Variants in SLC30A7 observed in about 807,000 individuals in gnomAD.
SLC30A7 encodes the protein solute carrier family 30 member 7.
A neutral mutation model predicts 46.0 loss-of-function variants in SLC30A7; 35 were observed. That is an observed-to-expected ratio of 0.76 (90% confidence interval 0.58 to 1.01). The LOEUF (loss-of-function observed/expected upper bound fraction) is 1.01. SLC30A7 is among the 50% of genes least tolerant of loss of function. The probability of loss-of-function intolerance (pLI) is 0.00; values close to 1 mark genes in which losing one functional copy is unlikely to be tolerated. For missense variants in SLC30A7, 464 were observed against 451.1 expected (o/e 1.03, Z -0.26); for synonymous variants, 147 against 157.8 (o/e 0.93, Z 0.51).
At chr1:100,945,425 A>C (rs1033357867) in intron 8 of SLC30A7, among the ~76,000 whole-genome samples, 19 of 152,234 alleles carry the variant, frequency 1.2e-4, no homozygotes, top group African/African-American at 4.6e-4. Flanking sequence ...TTTAGGTCTA[A>C]CATTTAAGTC....
the SLC30A7 span, chr1:100,995,442 C>G: frequency 4.1e-6 from 1 of 243,848 alleles, no homozygotes; most frequent in Non-Finnish European, 8.1e-6. Flanking sequence ...CTACTAACAG[C>G]TAATCACAAT....
chr1:100,911,203 TTTA>T (rs1652071174), intron 4 of SLC30A7, 53 bp downstream of exon 4: 12 of 1,248,314 alleles, frequency 9.6e-6, no homozygotes, highest in Non-Finnish European at 1.2e-5. Context: ...AATGAAAATG[TTTA>T]TTAATTAAAG....
At chr1:100,959,818 C>A (rs1655437561) in intron 8 of SLC30A7, among the ~76,000 whole-genome samples, 1 of 152,164 alleles carries the variant, frequency 6.6e-6, no homozygotes, top group Non-Finnish European at 1.5e-5. Flanking sequence ...AGGGCAGGGT[C>A]ATTGGGAGCC....
At chr1:100,952,420 C>T (rs6657251) in intron 8 of SLC30A7, among the ~76,000 whole-genome samples, 3,738 of 152,166 alleles carry the variant, frequency 0.025, 148 homozygotes, top group African/African-American at 0.081. Context: ...TCTTGAACAG[C>T]GCCTGCCACA....
chr1:100,919,895 T>C (rs1652833698), intron 7 of SLC30A7, among the ~76,000 whole-genome samples: 1 of 152,116 alleles, frequency 6.6e-6, no homozygotes, highest in African/African-American at 2.4e-5. Flanking sequence ...ATGCTACATC[T>C]TGACTCCTGG....
rs1656515164 is a variant in SLC30A7 at position 100,976,460 on chromosome 1, T to A, written c.*1603T>A. 1 of 152,248 alleles carries A rather than the reference T, an allele frequency of 6.6e-6. No homozygotes were observed. The highest frequency in any genetic ancestry group is 1.5e-5 in the Non-Finnish European group (1 of 68,046). 9.4% of individuals were successfully genotyped at this position (152,248 alleles called of 1,614,324 possible). ...GTGCTGAGTTGATTTTCTAGGTTCT[T>A]ACGTATTTGAAAAATAAAATTGCAA... On this transcript the variant is annotated 3_prime_UTR_variant, in exon 11 of 11. Transcript: ENST00000357650.
rs764672332 is a variant in SLC30A7 at position 100,896,223 on chromosome 1, C to G, written c.-40C>G. On this transcript the variant is annotated 5_prime_UTR_variant, in exon 1 of 11. Coordinates refer to ENST00000357650, the MANE Select transcript of SLC30A7 (RefSeq NM_133496.5). ...CTGCCATCACCCCACGGAGCCACTT[C>G]TAGAGGGGAGTAGACCCGGCCCTTC... 14 of 1,595,674 alleles carry G rather than the reference C, an allele frequency of 8.8e-6. No homozygotes were observed. In the East Asian group the frequency reaches 3.1e-4, roughly 36 times the overall value.
At chr1:100,932,536 G>A (rs1264238954) in intron 8 of SLC30A7, among the ~76,000 whole-genome samples, 2 of 152,098 alleles carry the variant, frequency 1.3e-5, no homozygotes, top group African/African-American at 4.8e-5. Context: ...AGATATATAC[G>A]TTAGTAATTT....
rs41306169 is a variant in SLC30A7 at position 100,980,023 on chromosome 1, A to G, written c.*5166A>G. On this transcript the variant is annotated 3_prime_UTR_variant, in exon 11 of 11. Coordinates refer to ENST00000357650, the MANE Select transcript of SLC30A7 (RefSeq NM_133496.5). ...TCCAGTGCCCTTATGATTATTTCCT[A>G]CCTTTACCATTGATCTTAAACTGTG... The G allele has an allele frequency of 2.0e-5, 3 of 152,290 alleles. No homozygotes were observed. The highest frequency in any genetic ancestry group is 2.9e-5 in the Non-Finnish European group (2 of 67,978). 9.4% of individuals were successfully genotyped at this position (152,290 alleles called of 1,614,324 possible). A position where few individuals can be genotyped will look rare whatever the true frequency, so the allele number is the denominator to read the frequency against.
At chr1:100,982,859 A>G (rs1417362002), downstream of SLC30A7, among the ~76,000 whole-genome samples, 1 of 152,014 alleles carries the variant, frequency 6.6e-6, no homozygotes, top group East Asian at 1.9e-4. Context: ...CTCCCTACCT[A>G]TCCTGTCTTC....
intron 6 of SLC30A7, among the ~76,000 whole-genome samples, chr1:100,917,585 C>T (rs1334329441): frequency 6.6e-6 from 1 of 152,118 alleles, no homozygotes; most frequent in African/African-American, 2.4e-5. Flanking sequence ...AGCATTTTGT[C>T]ATCATAAAAG....
intron 8 of SLC30A7, among the ~76,000 whole-genome samples, chr1:100,926,917 A>G (rs1026737039): frequency 1.8e-4 from 27 of 152,212 alleles, no homozygotes; most frequent in African/African-American, 6.0e-4. Context: ...AGTCTTCTGC[A>G]TAGGGTAATA....
chr1:100,904,916 C>T (rs1651550462), intron 2 of SLC30A7, among the ~76,000 whole-genome samples: 1 of 152,048 alleles, frequency 6.6e-6, no homozygotes, highest in Non-Finnish European at 1.5e-5. Context: ...CTGTAATAGC[C>T]AAACTCTACT....
chr1:100,897,624 C>T (rs1417651086), intron 2 of SLC30A7, among the ~76,000 whole-genome samples: 1 of 152,148 alleles, frequency 6.6e-6, no homozygotes, highest in Non-Finnish European at 1.5e-5. Context: ...AAATCGCTGT[C>T]CTTGATCTTC....
rs1221846096 is a variant in SLC30A7 at position 100,961,934 on chromosome 1, T to C, written c.933+16T>C. ...CTATCAGAGGGTGAGTTTCAAATAC[T>C]CCAAACCATTGGATTTTATGCTGTT... On this transcript the variant is annotated intron_variant, in intron 9 of 10. Coordinates refer to ENST00000357650, the MANE Select transcript of SLC30A7 (RefSeq NM_133496.5). 3 of 1,478,190 alleles carry C rather than the reference T, an allele frequency of 2.0e-6. No individual in the cohort carries two copies. Among genetic ancestry groups the C allele is most frequent in the Non-Finnish European group, 2.8e-6 (3 of 1,072,560 alleles). 91.6% of individuals were successfully genotyped at this position (1,478,190 alleles called of 1,614,324 possible).
At chr1:100,933,133 A>T (rs1653762093) in intron 8 of SLC30A7, among the ~76,000 whole-genome samples, 1 of 151,226 alleles carries the variant, frequency 6.6e-6, no homozygotes, top group Admixed American at 6.6e-5. Flanking sequence ...GCACCATCAC[A>T]CCCAGCTAAT....
intron 10 of SLC30A7, among the ~76,000 whole-genome samples, chr1:100,973,353 G>A (rs1437260547): frequency 6.6e-6 from 1 of 152,096 alleles, no homozygotes; most frequent in African/African-American, 2.4e-5. Flanking sequence ...CTGTGGTACT[G>A]AGAAGAAAGG....
chr1:100,979,165 C>G lies in SLC30A7; in HGVS notation c.*4308C>G, dbSNP rs1656749398. ...GAAGTCTTAACCAGAATTCCTACAACTAATTACTAAAACTGCTATTTCTAA... is the reference window on the plus strand; with the variant it reads ...GAAGTCTTAACCAGAATTCCTACAAGTAATTACTAAAACTGCTATTTCTAA... On this transcript the variant is annotated 3_prime_UTR_variant, in exon 11 of 11. Transcript: ENST00000357650. 1 of 151,950 alleles carries G rather than the reference C, an allele frequency of 6.6e-6. No individual in the cohort carries two copies. The highest frequency in any genetic ancestry group is 1.9e-4 in the East Asian group (1 of 5,202). The allele number at this position is 151,950 out of a possible 1,614,324, so 9.4% of individuals were successfully genotyped here.
intron 8 of SLC30A7, among the ~76,000 whole-genome samples, chr1:100,934,819 C>A (rs549816086): frequency 3.9e-5 from 6 of 152,122 alleles, no homozygotes; most frequent in Admixed American, 1.3e-4. Flanking sequence ...TAAAAATCTG[C>A]TATTACTACC....
Sources: allele counts gnomAD v4.1 joint callset (sites outside exome capture counted in the v4.1 genomes callset), GRCh38; gene constraint gnomAD v4.1.1; transcripts MANE v1.5; gene names NCBI Gene and HGNC (gene_info 2026-07-23, HGNC 2026-07-21).